Variants in CCDC122 observed in about 807,000 individuals in gnomAD.
CCDC122 encodes the protein coiled-coil domain containing 122, also known as coiled-coil domain-containing protein 122.
A neutral mutation model predicts 37.0 loss-of-function variants in CCDC122; 38 were observed. That is an observed-to-expected ratio of 1.03 (90% confidence interval 0.79 to 1.35). CCDC122 has a LOEUF of 1.35. CCDC122 is among the 40% of genes most tolerant of loss of function. CCDC122 has a pLI of 0.00. For synonymous variants in CCDC122, 83 were observed against 95.6 expected (o/e 0.87, Z 0.77); for missense variants, 305 against 310.0 (o/e 0.98, Z 0.12).
At chr13:43,843,114 A>G (rs1416065843) in intron 6 of CCDC122, among the ~76,000 whole-genome samples, 1 of 152,094 alleles carries the variant, frequency 6.6e-6, no homozygotes, top group Admixed American at 6.5e-5. Flanking sequence ...GGGAGAAAGC[A>G]TTCAACATTT....
At chr13:43,829,535 A>G (rs894207352) in intron 3 of CCDC122, among the ~76,000 whole-genome samples, 10 of 152,020 alleles carry the variant, frequency 6.6e-5, no homozygotes, top group African/African-American at 1.9e-4. Context: ...CGAACTTCTG[A>G]CCTCAAGTGA....
intron 6 of CCDC122, among the ~76,000 whole-genome samples, chr13:43,838,445 T>C (rs1022948967): frequency 2.6e-5 from 4 of 152,138 alleles, no homozygotes; most frequent in East Asian, 1.9e-4. Context: ...AAGTGCTTCA[T>C]TGGTCTTCGT....
chr13:43,843,777 T>C (rs955301868), intron 6 of CCDC122, among the ~76,000 whole-genome samples: 4 of 151,898 alleles, frequency 2.6e-5, no homozygotes, highest in Non-Finnish European at 4.4e-5. Flanking sequence ...TAATTTGAAA[T>C]GGATCATAAG....
chr13:43,828,077 T>C (rs1198295823), intron 3 of CCDC122, among the ~76,000 whole-genome samples: 1 of 152,224 alleles, frequency 6.6e-6, no homozygotes, highest in South Asian at 2.1e-4. Flanking sequence ...TGTTTACTCA[T>C]GGCAAGGATT....
At chr13:43,831,180 G>C (rs1953085676) in intron 3 of CCDC122, among the ~76,000 whole-genome samples, 1 of 152,114 alleles carries the variant, frequency 6.6e-6, no homozygotes. Context: ...TCTCAGAGAG[G>C]TTTCATTTTA....
rs1165987498 is a variant in CCDC122, at chr13:43,837,138, AAAC to A, written c.*139_*141del. The A allele has an allele frequency of 8.8e-6, 7 of 792,454 alleles. No individual in the cohort carries two copies. Among genetic ancestry groups the A allele is most frequent in the Non-Finnish European group, 1.4e-5 (7 of 511,674 alleles). The allele number at this position is 792,454 out of a possible 1,614,324, so 49.1% of individuals were successfully genotyped here. On this transcript the variant is annotated 3_prime_UTR_variant, in exon 7 of 7. Transcript: ENST00000444614. ...AACAAATCGATGACTGATTTAAAAAAAACAACAACCGAAGACATCTGTCATTAA... is the reference window on the plus strand; with the variant it reads ...AACAAATCGATGACTGATTTAAAAAAAACAACCGAAGACATCTGTCATTAA...
At chr13:43,835,823 C>T (rs1051032696), downstream of CCDC122, among the ~76,000 whole-genome samples, 4 of 152,186 alleles carry the variant, frequency 2.6e-5, no homozygotes, top group African/African-American at 9.6e-5. Flanking sequence ...GCATTTGGTT[C>T]TGGCTTATCT....
Position 43,871,048 on chromosome 13 carries a change from G to A in CCDC122, c.-113-1559C>T, listed in dbSNP as rs144101722. 9.9e-5 allele frequency among the ~76,000 whole-genome samples: 15 copies of A among 152,178 alleles called. No homozygotes were observed. In the East Asian group the frequency reaches 2.1e-3, roughly 22 times the overall value. On this transcript the variant is annotated intron_variant, in intron 2 of 6. Transcript: ENST00000444614. ...CACGAAAACTTCGTCCTCCTTACAC[G>A]TGGGTTTCAAGTCCCGCGTATACTG...
At chr13:43,877,310 C>A (rs933490976) in intron 1 of CCDC122, among the ~76,000 whole-genome samples, 2 of 152,074 alleles carry the variant, frequency 1.3e-5, no homozygotes, top group Admixed American at 6.5e-5. Context: ...AATAGATGGG[C>A]AAATGAACAC....
intron 1 of CCDC122, chr13:43,878,266 A>G: frequency 6.6e-6 from 1 of 152,212 alleles, no homozygotes; most frequent in Non-Finnish European, 1.5e-5. Flanking sequence ...AAAAACCGCA[A>G]TTACCTTTGC....
At chr13:43,858,997 C>A in intron 5 of CCDC122, 100 bp from the exon 6 acceptor site, 2 of 973,238 alleles carry the variant, frequency 2.1e-6, no homozygotes, top group Non-Finnish European at 2.8e-6. Flanking sequence ...CTAGCCAAAT[C>A]AAAATTTAGT....
intron 3 of CCDC122, among the ~76,000 whole-genome samples, chr13:43,828,313 C>T (rs1156498033): frequency 1.3e-5 from 2 of 152,204 alleles, no homozygotes; most frequent in East Asian, 3.9e-4. Context: ...TGTCTGCTAG[C>T]TGGTGGAGAT....
intron 6 of CCDC122, among the ~76,000 whole-genome samples, chr13:43,851,806 C>T (rs1174668778): frequency 6.6e-6 from 1 of 152,156 alleles, no homozygotes; most frequent in Admixed American, 6.5e-5. Flanking sequence ...AAACTGGGGC[C>T]TGATACAAGT....
chr13:43,833,796 G>A (rs931071330), downstream of CCDC122, among the ~76,000 whole-genome samples: 1 of 152,058 alleles, frequency 6.6e-6, no homozygotes, highest in Non-Finnish European at 1.5e-5. Flanking sequence ...CAGGTACTTA[G>A]AACACTTCCA....
intron 4 of CCDC122, among the ~76,000 whole-genome samples, chr13:43,863,412 G>A (rs1954174375): frequency 6.6e-6 from 1 of 151,988 alleles, no homozygotes; most frequent in African/African-American, 2.4e-5. Flanking sequence ...TAGTTTATTA[G>A]TTCATCTAAC....
At chr13:43,823,446 G>A (rs1953010905), downstream of CCDC122, among the ~76,000 whole-genome samples, 1 of 152,212 alleles carries the variant, frequency 6.6e-6, no homozygotes, top group South Asian at 2.1e-4. Flanking sequence ...TGGCCTCGCT[G>A]TCTGGTATTG....
intron 3 of CCDC122, among the ~76,000 whole-genome samples, chr13:43,829,347 C>T (rs1953067435): frequency 6.6e-6 from 1 of 152,186 alleles, no homozygotes; most frequent in Admixed American, 6.5e-5. Context: ...GCTCTATCAC[C>T]CAGGCTGGAG....
intron 6 of CCDC122, among the ~76,000 whole-genome samples, chr13:43,853,073 C>G (rs1203079439): frequency 6.6e-6 from 1 of 152,130 alleles, no homozygotes; most frequent in African/African-American, 2.4e-5. Context: ...AAGGCAACCA[C>G]ATAAACAAGT....
At chr13:43,827,684 A>C (rs938174277) in intron 3 of CCDC122, among the ~76,000 whole-genome samples, 1 of 152,202 alleles carries the variant, frequency 6.6e-6, no homozygotes, top group Non-Finnish European at 1.5e-5. Flanking sequence ...GACTTTTGCT[A>C]TACAGAAGTT....
Sources: gnomAD v4.1 joint callset for allele counts (sites outside exome capture counted in the v4.1 genomes callset) on GRCh38, gnomAD v4.1.1 for gene constraint, MANE v1.5 for transcripts, NCBI Gene and HGNC (gene_info 2026-07-23, HGNC 2026-07-21) for gene names.